NHLRC2: variants seen among roughly 807,000 people sequenced by gnomAD.
NHLRC2 encodes the protein NHL repeat containing 2.
In NHLRC2, 33 loss-of-function variants were observed where a neutral mutation model predicts 68.1. The observed-to-expected ratio is 0.48, with a 90% CI of 0.37 to 0.65. NHLRC2 has a LOEUF of 0.65. NHLRC2 is among the 30% of genes least tolerant of loss of function. The pLI, the probability that NHLRC2 is intolerant of heterozygous loss-of-function variation, is 0.00. For missense variants in NHLRC2, 761 were observed against 853.8 expected (o/e 0.89, Z 1.35); for synonymous variants, 311 against 309.6 (o/e 1.00, Z -0.05).
chr10:113,876,473 C>T (rs1325563218), intron 2 of NHLRC2, 48 bp from the exon 3 acceptor site: 1 of 1,117,186 alleles, frequency 9.0e-7, no homozygotes, highest in Non-Finnish European at 1.3e-6. Flanking sequence ...TGATGATATT[C>T]AAACTTAAAT....
chr10:113,879,912 T>C (rs1020823373), intron 4 of NHLRC2, among the ~76,000 whole-genome samples: 3 of 152,050 alleles, frequency 2.0e-5, no homozygotes, highest in African/African-American at 7.2e-5. Context: ...TCAGTTCTTT[T>C]TTTAACCCTT....
intron 6 of NHLRC2, among the ~76,000 whole-genome samples, chr10:113,900,660 T>G (rs1846219681): frequency 6.6e-6 from 1 of 152,222 alleles, no homozygotes; most frequent in African/African-American, 2.4e-5. Flanking sequence ...CCTTGTAGAC[T>G]CCTTTCAATT....
At chr10:113,870,625 T>A (rs1234007445) in intron 2 of NHLRC2, among the ~76,000 whole-genome samples, 1 of 152,248 alleles carries the variant, frequency 6.6e-6, no homozygotes, top group Non-Finnish European at 1.5e-5. Context: ...TTTGTCTTGC[T>A]GGTGGAATCA....
At position 113,903,603 on chromosome 10, in the gene NHLRC2, C is replaced by G; in HGVS notation, c.1571C>G (p.Ser524Cys). 1 of 1,612,372 alleles carries G rather than the reference C, an allele frequency of 6.2e-7. No individual in the cohort carries two copies. Among genetic ancestry groups the G allele is most frequent in the Non-Finnish European group, 8.5e-7 (1 of 1,178,628 alleles). ...GTGDTNNVTSSSFTESTFNEP... is the reference protein window; with the variant it reads ...GTGDTNNVTSCSFTESTFNEP... ...GGAGACACAAATAATGTTACCAGTTCCAGTTTTACAGAGTCAACTTTTAAT... is the reference window on the plus strand; with the variant it reads ...GGAGACACAAATAATGTTACCAGTTGCAGTTTTACAGAGTCAACTTTTAAT... Residue 524 changes from serine to cysteine, a missense_variant, in exon 9 of 11, where the codon TCC becomes TGC. Transcript: ENST00000369301.
chr10:113,902,026 G>A (rs1263359464), intron 7 of NHLRC2, 129 bp downstream of exon 7: 1 of 652,316 alleles, frequency 1.5e-6, no homozygotes, highest in Non-Finnish European at 2.6e-6. Flanking sequence ...ATGAAAGTCA[G>A]ACCAAAGGAA....
chr10:113,863,532 G>T (rs1050618709), intron 2 of NHLRC2, among the ~76,000 whole-genome samples: 2 of 152,082 alleles, frequency 1.3e-5, no homozygotes, highest in Non-Finnish European at 2.9e-5. Context: ...TAAATCTAAG[G>T]TGTAATATCT....
chr10:113,863,501 A>T (rs1240641853), intron 2 of NHLRC2, among the ~76,000 whole-genome samples: 1 of 152,206 alleles, frequency 6.6e-6, no homozygotes, highest in Non-Finnish European at 1.5e-5. Flanking sequence ...AAATGCTTAT[A>T]TTAAAAAACA....
At chr10:113,902,397 T>G (rs1410610513) in intron 7 of NHLRC2, 74 bp from the exon 8 acceptor site, 60 of 995,832 alleles carry the variant, frequency 6.0e-5, no homozygotes, top group Non-Finnish European at 9.0e-6. Context: ...TGTTTGAATT[T>G]TCCTTCATAT....
At chr10:113,881,048 G>A (rs1846032471) in intron 4 of NHLRC2, among the ~76,000 whole-genome samples, 1 of 151,780 alleles carries the variant, frequency 6.6e-6, no homozygotes, top group African/African-American at 2.4e-5. Flanking sequence ...TGTTTCCATG[G>A]TGTATATTTT....
Position 113,854,997 on chromosome 10 carries a change from T to C in NHLRC2, c.125T>C (p.Leu42Pro). 1 of 1,553,388 alleles carries C rather than the reference T, an allele frequency of 6.4e-7. No homozygotes were observed. The highest frequency in any genetic ancestry group is 8.7e-7 in the Non-Finnish European group (1 of 1,147,868). The change falls in exon 1 of 11, where the codon CTG (leucine) becomes CCG (proline). Residue 42 changes from leucine to proline, a missense_variant. Transcript: ENST00000369301. ...AAGGACAGCCTGGTCTACCAGTATC[T>C]GCAGAAGGTGGACGGCTGGGAGCAG... is the stretch of plus-strand genomic sequence containing the variant. ...QEKDSLVYQYLQKVDGWEQDL... is the reference protein window; with the variant it reads ...QEKDSLVYQYPQKVDGWEQDL...
At chr10:113,880,925 C>T (rs555172463) in intron 4 of NHLRC2, among the ~76,000 whole-genome samples, 1 of 151,862 alleles carries the variant, frequency 6.6e-6, no homozygotes, top group South Asian at 2.1e-4. Flanking sequence ...GACTTTCTTC[C>T]AGACTTAAAT....
chr10:113,897,560 C>A (rs1846187657), intron 5 of NHLRC2, among the ~76,000 whole-genome samples: 1 of 152,144 alleles, frequency 6.6e-6, no homozygotes, highest in Admixed American at 6.5e-5. Flanking sequence ...TATTTGGATG[C>A]CAGTATATGT....
intron 5 of NHLRC2, among the ~76,000 whole-genome samples, chr10:113,894,871 T>G (rs1353155555): frequency 6.6e-6 from 1 of 152,154 alleles, no homozygotes. Flanking sequence ...CTATAATACA[T>G]TTTATGAAAA....
rs561025079 is a variant in NHLRC2, at chr10:113,909,818, A to T, written c.*1282A>T. 1.6e-4 allele frequency: 25 copies of T among 152,174 alleles called. No individual in the cohort carries two copies. The highest frequency in any genetic ancestry group is 3.1e-4 in the Non-Finnish European group (21 of 68,018). The allele number at this position is 152,174 out of a possible 1,614,324, so 9.4% of individuals were successfully genotyped here. On this transcript the variant is annotated 3_prime_UTR_variant, in exon 11 of 11. Transcript: ENST00000369301. Reference sequence around the variant, plus strand: ...TAAAAACATCAGGTGAACCATGTTTATTTATTCAGTAAATATTTATAGACA... The same window carrying T: ...TAAAAACATCAGGTGAACCATGTTTTTTTATTCAGTAAATATTTATAGACA...
chr10:113,876,595 G>A lies in NHLRC2; in HGVS notation c.406G>A (p.Val136Ile). The A allele has an allele frequency of 6.2e-7, 1 of 1,613,662 alleles. No individual in the cohort carries two copies. Among genetic ancestry groups the A allele is most frequent in the Non-Finnish European group, 8.5e-7 (1 of 1,179,710 alleles). ...EKVLDNIKSAVLRYNITHPMV... is the reference protein window; with the variant it reads ...EKVLDNIKSAILRYNITHPMV... ...AGTCCTGGATAACATTAAGAGTGCT[G>A]TTCTTCGATACAACATCACCCACCC... Residue 136 changes from valine (V) to isoleucine (I), a missense_variant, in exon 3 of 11, where the codon GTT becomes ATT. Physicochemically the swap from Val to Ile is conservative, Grantham distance 29. Transcript: ENST00000369301.
In NHLRC2 at chr10:113,854,677, C is replaced by T; in HGVS notation, c.-196C>T. On this transcript the variant is annotated 5_prime_UTR_variant, in exon 1 of 11. Coordinates refer to ENST00000369301, the MANE Select transcript of NHLRC2 (RefSeq NM_198514.4). ...TCGGACGGCAGTTTAATTACGTCCC[C>T]GGGAACTGCGCCGATTTGGACTTTT... The T allele has an allele frequency of 1.8e-6, 1 of 555,998 alleles. No homozygotes were observed. The highest frequency in any genetic ancestry group is 3.2e-6 in the Non-Finnish European group (1 of 315,592). 34.4% of individuals were successfully genotyped at this position (555,998 alleles called of 1,614,324 possible). A position where few individuals can be genotyped will look rare whatever the true frequency, so the allele number is the denominator to read the frequency against.
At chr10:113,897,157 T>C (rs1483138132) in intron 5 of NHLRC2, among the ~76,000 whole-genome samples, 2 of 152,166 alleles carry the variant, frequency 1.3e-5, no homozygotes, top group Non-Finnish European at 2.9e-5. Context: ...GTCATTTCCA[T>C]AGTTGATAAT....
At chr10:113,880,685 C>T (rs1250901073) in intron 4 of NHLRC2, among the ~76,000 whole-genome samples, 1 of 151,836 alleles carries the variant, frequency 6.6e-6, no homozygotes, top group Non-Finnish European at 1.5e-5. Context: ...TACTGTAAGT[C>T]TTCCTGAGGG....
chr10:113,888,625 T>C (rs1846103673), intron 5 of NHLRC2, among the ~76,000 whole-genome samples: 1 of 152,210 alleles, frequency 6.6e-6, no homozygotes, highest in Admixed American at 6.5e-5. Context: ...AATTACATTT[T>C]ATCTGTGTTC....
Sources: allele counts gnomAD v4.1 joint callset (sites outside exome capture counted in the v4.1 genomes callset), GRCh38; gene constraint gnomAD v4.1.1; transcripts MANE v1.5; gene names NCBI Gene and HGNC (gene_info 2026-07-23, HGNC 2026-07-21).